The following MLIP variants were observed in gnomAD, a reference collection of about 807,000 sequenced individuals.
The protein encoded by MLIP is muscular LMNA interacting protein, also known as muscular LMNA-interacting protein.
Under a neutral mutation model 84.8 loss-of-function variants are expected in MLIP, and 79 were observed. The ratio of observed to expected loss-of-function variants is 0.93; its 90% CI spans 0.78 to 1.12. MLIP has a LOEUF of 1.12. Among genes scored for constraint, MLIP ranks in the 50% most tolerant of loss-of-function variants. The pLI is 0.00. For missense variants in MLIP, 1,257 were observed against 1,160.6 expected (o/e 1.08, Z -1.21); for synonymous variants, 504 against 463.0 (o/e 1.09, Z -1.14).
intron 11 of MLIP, chr6:54,216,428 C>T: frequency 1.0e-6 from 1 of 985,166 alleles, no homozygotes; most frequent in South Asian, 4.7e-5. Flanking sequence ...TCCTCTGCTG[C>T]TCACTGTGAT....
chr6:54,196,480 C>A (rs1218206411), intron 10 of MLIP, among the ~76,000 whole-genome samples: 2 of 152,094 alleles, frequency 1.3e-5, no homozygotes, highest in Non-Finnish European at 2.9e-5. Flanking sequence ...ATAATGGCTT[C>A]CAGCTCCATT....
chr6:54,088,607 A>T (rs1767654346), intron 1 of MLIP, among the ~76,000 whole-genome samples: 1 of 152,214 alleles, frequency 6.6e-6, no homozygotes, highest in African/African-American at 2.4e-5. Flanking sequence ...GTTGTTTATC[A>T]GTTTCTATGA....
At chr6:54,131,661 T>C (rs1771394041) in intron 3 of MLIP, among the ~76,000 whole-genome samples, 1 of 152,166 alleles carries the variant, frequency 6.6e-6, no homozygotes, top group South Asian at 2.1e-4. Context: ...CAGACTTGAC[T>C]GAGAAGAAAA....
intron 1 of MLIP, among the ~76,000 whole-genome samples, chr6:54,023,123 C>A (rs888015112): frequency 1.3e-5 from 2 of 151,050 alleles, no homozygotes; most frequent in East Asian, 2.0e-4. Flanking sequence ...GCTGAGATTG[C>A]GCCACTGCAC....
chr6:54,205,711 A>G (rs911365534), intron 11 of MLIP, among the ~76,000 whole-genome samples: 4 of 152,230 alleles, frequency 2.6e-5, no homozygotes, highest in Non-Finnish European at 5.9e-5. Context: ...GAAATTTACT[A>G]GCCAACAACT....
intron 3 of MLIP, among the ~76,000 whole-genome samples, chr6:54,129,708 G>A (rs1339301249): frequency 6.6e-6 from 1 of 152,170 alleles, no homozygotes; most frequent in Non-Finnish European, 1.5e-5. Context: ...GAATGCCAAA[G>A]TACTTGCTGA....
Position 54,137,058 on chromosome 6 carries a change from C to A in MLIP, c.989C>A (p.Thr330Lys). 1 of 1,536,086 alleles carries A rather than the reference C, an allele frequency of 6.5e-7. No homozygotes were observed. Among genetic ancestry groups the A allele is most frequent in the Non-Finnish European group, 8.7e-7 (1 of 1,146,884 alleles). The change falls in exon 4 of 14, where the codon ACA becomes AAA. Residue 330 changes from threonine to lysine, a missense_variant. Coordinates refer to ENST00000502396, the MANE Select transcript of MLIP (RefSeq NM_001281747.2). ...PGLTSEVLKK[T>K]TLTSHVLSHG... ...CTGACCTCTGAAGTTCTCAAGAAGA[C>A]AACTTTAACCTCGCATGTCCTTAGT... is the stretch of plus-strand genomic sequence containing the variant.
chr6:54,175,451 A>AT (rs1294028503), intron 9 of MLIP, among the ~76,000 whole-genome samples: 1 of 151,462 alleles, frequency 6.6e-6, no homozygotes, highest in Non-Finnish European at 1.5e-5. Flanking sequence ...CATTGTAGAG[A>AT]TTTTTCACTT....
chr6:54,035,219 CT>C (rs1259854296), intron 1 of MLIP, among the ~76,000 whole-genome samples: 1 of 152,146 alleles, frequency 6.6e-6, no homozygotes, highest in Non-Finnish European at 1.5e-5. Context: ...CGATGCCTGA[CT>C]GTATACAAGC....
chr6:54,178,692 T>C (rs978003765), intron 9 of MLIP, among the ~76,000 whole-genome samples: 2 of 152,198 alleles, frequency 1.3e-5, no homozygotes, highest in Non-Finnish European at 2.9e-5. Flanking sequence ...CATGTGTTTG[T>C]ATAGTTACCA....
Position 54,137,560 on chromosome 6 carries a change from C to G in MLIP, c.1491C>G (p.Thr497=). The part of the protein sequence containing the change: ...TQQSFHLPVF[T]KSTPLSQAPS... ...AATCTTTTCACCTGCCTGTTTTCAC[C>G]AAGTCTACTCCGCTTTCTCAGGCGC... Residue 497 remains threonine (T), a synonymous_variant, in exon 4 of 14, where the codon ACC becomes ACG. Coordinates refer to ENST00000502396, the MANE Select transcript of MLIP (RefSeq NM_001281747.2). 1 of 1,536,118 alleles carries G rather than the reference C, an allele frequency of 6.5e-7. No individual in the cohort carries two copies. Among genetic ancestry groups the G allele is most frequent in the Non-Finnish European group, 8.7e-7 (1 of 1,146,902 alleles).
At chr6:54,219,387 T>C (rs1305437858) in intron 11 of MLIP, among the ~76,000 whole-genome samples, 4 of 147,098 alleles carry the variant, frequency 2.7e-5, no homozygotes, top group South Asian at 2.1e-4. Flanking sequence ...TTTTTTTTTT[T>C]TCTCAGACAC....
At chr6:54,244,367 A>C (rs918117985) in intron 12 of MLIP, among the ~76,000 whole-genome samples, 1 of 152,214 alleles carries the variant, frequency 6.6e-6, no homozygotes, top group South Asian at 2.1e-4. Flanking sequence ...ATGGGTTTTT[A>C]AAAATGTTTT....
At chr6:54,095,892 C>T (rs1284360103) in intron 1 of MLIP, among the ~76,000 whole-genome samples, 2 of 152,052 alleles carry the variant, frequency 1.3e-5, no homozygotes, top group Non-Finnish European at 2.9e-5. Flanking sequence ...CCCGAGAGCA[C>T]GGTGTTCCTC....
intron 1 of MLIP, among the ~76,000 whole-genome samples, chr6:54,052,142 G>A (rs1765410188): frequency 6.6e-6 from 1 of 152,126 alleles, no homozygotes; most frequent in African/African-American, 2.4e-5. Flanking sequence ...GAAAATTATG[G>A]GTGAGAACGC....
intron 5 of MLIP, among the ~76,000 whole-genome samples, chr6:54,159,768 A>G (rs1221003157): frequency 6.6e-6 from 1 of 152,086 alleles, no homozygotes; most frequent in Non-Finnish European, 1.5e-5. Flanking sequence ...TCTCTGGATA[A>G]CTATTGAATG....
At chr6:54,052,311 C>T (rs1336853027) in intron 1 of MLIP, among the ~76,000 whole-genome samples, 1 of 152,088 alleles carries the variant, frequency 6.6e-6, no homozygotes, top group Non-Finnish European at 1.5e-5. Flanking sequence ...CAGGAAAGCA[C>T]ATTAAACTCC....
intron 10 of MLIP, among the ~76,000 whole-genome samples, chr6:54,190,802 T>G (rs1777835989): frequency 6.6e-6 from 1 of 151,166 alleles, no homozygotes. Flanking sequence ...TTTTCTTTTT[T>G]TTTTTTTTTT....
In MLIP at chr6:54,174,067, C is replaced by A. The variant is rs574883357; in HGVS notation, c.2544+4495C>A. Among the ~76,000 whole-genome samples, 9 of 152,004 alleles carry A rather than the reference C, an allele frequency of 5.9e-5. No homozygotes were observed. The South Asian group carries it at 1.7e-3, about 28-fold the overall frequency. ...TACATGTTGTAGCAAATGACAGGATCTCATTCTTTATAAAGGCTGAATAGT... is the reference window on the plus strand; with the variant it reads ...TACATGTTGTAGCAAATGACAGGATATCATTCTTTATAAAGGCTGAATAGT... On this transcript the variant is annotated intron_variant, in intron 9 of 13. Coordinates refer to ENST00000502396, the MANE Select transcript of MLIP (RefSeq NM_001281747.2).
Sources: allele counts gnomAD v4.1 joint callset (sites outside exome capture counted in the v4.1 genomes callset), GRCh38; gene constraint gnomAD v4.1.1; transcripts MANE v1.5; gene names NCBI Gene and HGNC (gene_info 2026-07-23, HGNC 2026-07-21).